Variants in C1QTNF3 observed in about 807,000 individuals in gnomAD.
The protein encoded by C1QTNF3 is C1q and TNF related 3.
C1QTNF3 carries 26 observed loss-of-function variants against 32.6 expected under a neutral mutation model. The observed-to-expected ratio is 0.80, with a 90% CI of 0.58 to 1.11. The LOEUF (loss-of-function observed/expected upper bound fraction) is 1.11, where lower values mean the gene tolerates loss of function less well. C1QTNF3 is among the 50% of genes least tolerant of loss of function. C1QTNF3 has a pLI of 0.00. For synonymous variants in C1QTNF3, 155 were observed against 146.0 expected (o/e 1.06, Z -0.44); for missense variants, 362 against 398.2 (o/e 0.91, Z 0.77).
the C1QTNF3 span, among the ~76,000 whole-genome samples, chr5:34,085,406 A>G: frequency 2.0e-5 from 3 of 151,086 alleles, 1 homozygote; most frequent in African/African-American, 7.4e-5. Context: ...TATTTATTAA[A>G]TAGGGAATCC....
chr5:34,103,109 T>C, the C1QTNF3 span, among the ~76,000 whole-genome samples: 1 of 152,218 alleles, frequency 6.6e-6, no homozygotes, highest in African/African-American at 2.4e-5. Context: ...GCTGGTTGAA[T>C]TGAATATTTC....
the C1QTNF3 span, among the ~76,000 whole-genome samples, chr5:34,070,844 G>C: frequency 3.3e-5 from 5 of 152,038 alleles, no homozygotes; most frequent in Admixed American, 1.3e-4. Flanking sequence ...ATTTATTTTA[G>C]GCTAAAATGC....
chr5:34,032,975 C>A, intron 3 of C1QTNF3: 3 of 240,902 alleles, frequency 1.2e-5, no homozygotes, highest in South Asian at 8.8e-5. Flanking sequence ...TGGCCCAAAC[C>A]CTTATTACAT....
the C1QTNF3 span, among the ~76,000 whole-genome samples, chr5:34,059,057 G>A: frequency 6.6e-6 from 1 of 152,210 alleles, no homozygotes; most frequent in Non-Finnish European, 1.5e-5. Context: ...TGCCAAACAG[G>A]TTTCCTCCCC....
At chr5:34,056,504 AG>A in the C1QTNF3 span, among the ~76,000 whole-genome samples, 3 of 138,730 alleles carry the variant, frequency 2.2e-5, no homozygotes, top group Admixed American at 7.4e-5. Context: ...AGAGAGAGAG[AG>A]AGAGAGAGAG....
the C1QTNF3 span, among the ~76,000 whole-genome samples, chr5:34,244,425 T>C: frequency 6.6e-6 from 1 of 152,228 alleles, no homozygotes; most frequent in Non-Finnish European, 1.5e-5. Flanking sequence ...TTGCTGGCTC[T>C]GGCAGCCGCT....
intron 1 of C1QTNF3, 28 bp from the exon 2 acceptor site, chr5:34,035,786 A>G: frequency 6.5e-7 from 1 of 1,538,930 alleles, no homozygotes; most frequent in Non-Finnish European, 8.9e-7. Flanking sequence ...GAAGCTTCAG[A>G]AAAAAAGGTA....
the C1QTNF3 span, among the ~76,000 whole-genome samples, chr5:34,221,328 G>A: frequency 1.3e-5 from 2 of 151,858 alleles, no homozygotes; most frequent in South Asian, 2.1e-4. Context: ...AAATACATAC[G>A]GCTGTTTTTA....
chr5:34,163,369 G>T, the C1QTNF3 span, among the ~76,000 whole-genome samples: 2 of 151,882 alleles, frequency 1.3e-5, no homozygotes, highest in African/African-American at 4.8e-5. Context: ...CCAACATTAG[G>T]AAGTCAATGT....
chr5:34,213,244 C>T, the C1QTNF3 span, among the ~76,000 whole-genome samples: 37 of 152,072 alleles, frequency 2.4e-4, no homozygotes, highest in African/African-American at 8.7e-4. Context: ...TGAAAAATTG[C>T]TATCACCATT....
intron 4 of C1QTNF3, among the ~76,000 whole-genome samples, chr5:34,024,725 T>C (rs2112098996): frequency 6.6e-6 from 1 of 152,302 alleles, no homozygotes; most frequent in African/African-American, 2.4e-5. Flanking sequence ...AGCAATATAA[T>C]ATGACCTAAT....
At chr5:34,029,906 T>C (rs999288606) in intron 3 of C1QTNF3, among the ~76,000 whole-genome samples, 1 of 152,194 alleles carries the variant, frequency 6.6e-6, no homozygotes, top group African/African-American at 2.4e-5. Context: ...AACATGTATA[T>C]AAGTATGCAT....
the C1QTNF3 span, among the ~76,000 whole-genome samples, chr5:34,128,655 G>C: frequency 6.6e-6 from 1 of 152,324 alleles, no homozygotes; most frequent in South Asian, 2.1e-4. Context: ...GAGACTTAAT[G>C]ACTGTCCTGC....
the C1QTNF3 span, among the ~76,000 whole-genome samples, chr5:34,147,024 T>C: frequency 6.6e-5 from 10 of 152,270 alleles, no homozygotes; most frequent in Non-Finnish European, 4.4e-5. Flanking sequence ...TACTTCTGAA[T>C]AGAAGACATA....
At chr5:34,148,010 G>A in the C1QTNF3 span, among the ~76,000 whole-genome samples, 159 of 152,226 alleles carry the variant, frequency 1.0e-3, no homozygotes, top group Middle Eastern at 0.014. Context: ...CACCATGCGC[G>A]AGCCGAAGCA....
intron 4 of C1QTNF3, among the ~76,000 whole-genome samples, chr5:34,025,928 A>G (rs113716729): frequency 9.6e-4 from 147 of 152,366 alleles, no homozygotes; most frequent in African/African-American, 3.4e-3. Flanking sequence ...AAGTGTGATG[A>G]AAGATTGCTT....
chr5:34,042,991 C>A lies in C1QTNF3; in HGVS notation c.135G>T (p.Gln45His), dbSNP rs1331076402. 1 of 1,614,242 alleles carries A rather than the reference C, an allele frequency of 6.2e-7. No individual in the cohort carries two copies. The highest frequency in any genetic ancestry group is 1.3e-5 in the African/African-American group (1 of 75,074). Residue 45 changes from glutamine to histidine, a missense_variant, in exon 1 of 6, where the codon CAG becomes CAT. By Grantham distance (24) the Gln-to-His change is conservative. Transcript: ENST00000382065. ...KVVARIVQSH[Q>H]QTGRSGSRRE... is the part of the protein sequence containing the mutation. ...TCCTGGAGCCGCTACGGCCAGTCTG[C>A]TGGTGGCTTTGCACTATTCTTGCCA...
chr5:34,230,437 A>G, the C1QTNF3 span, among the ~76,000 whole-genome samples: 2 of 152,204 alleles, frequency 1.3e-5, no homozygotes, highest in East Asian at 3.8e-4. Context: ...ATGATGGTCA[A>G]TGATATGCCC....
the C1QTNF3 span, among the ~76,000 whole-genome samples, chr5:34,089,483 C>A: frequency 3.9e-5 from 6 of 152,160 alleles, no homozygotes; most frequent in Non-Finnish European, 8.8e-5. Flanking sequence ...CTGCCCCTTG[C>A]ATCATGGGTT....
Sources: allele counts gnomAD v4.1 joint callset (sites outside exome capture counted in the v4.1 genomes callset), GRCh38; gene constraint gnomAD v4.1.1; transcripts MANE v1.5; gene names NCBI Gene and HGNC (gene_info 2026-07-23, HGNC 2026-07-21).